Variants in PRKCZ observed in about 807,000 individuals in gnomAD.
PRKCZ encodes the protein protein kinase C zeta type.
Under a neutral mutation model 79.5 loss-of-function variants are expected in PRKCZ, and 33 were observed. The observed-to-expected ratio is 0.41, with a 90% CI of 0.31 to 0.55. The LOEUF (loss-of-function observed/expected upper bound fraction) is 0.55, where lower values mean the gene tolerates loss of function less well. Ranked by LOEUF, PRKCZ falls within the 20% of genes least tolerant of loss-of-function variation. The pLI is 0.19. For synonymous variants in PRKCZ, 342 were observed against 320.9 expected (o/e 1.07, Z -0.70); for missense variants, 578 against 813.5 (o/e 0.71, Z 3.52).
At chr1:2,110,627 G>A (rs1223550666) in intron 4 of PRKCZ, among the ~76,000 whole-genome samples, 1 of 152,106 alleles carries the variant, frequency 6.6e-6, no homozygotes, top group African/African-American at 2.4e-5. Context: ...ACACCCTTGG[G>A]TCACTTGTCC....
At chr1:2,084,785 G>A (rs1373728475) in intron 4 of PRKCZ, among the ~76,000 whole-genome samples, 1 of 152,258 alleles carries the variant, frequency 6.6e-6, no homozygotes, top group Admixed American at 6.5e-5. Context: ...CAGGTGGATC[G>A]CCTGAGCTCA....
chr1:2,061,101 G>A (rs1187378793), intron 4 of PRKCZ, among the ~76,000 whole-genome samples: 2 of 152,232 alleles, frequency 1.3e-5, no homozygotes, highest in African/African-American at 2.4e-5. Context: ...CCCACGGGCC[G>A]TGTTTATTTG....
Position 2,150,812 on chromosome 1 carries a change from G to A in PRKCZ, c.710G>A (p.Gly237Glu). The change falls in exon 9 of 18, where the codon GGG (glycine) becomes GAG (glutamate). Residue 237 changes from glycine (G) to glutamate (E), a missense_variant. Gly to Glu is a moderately conservative substitution (Grantham distance 98). This residue lies in a region of PRKCZ where 91 missense variants were observed against 97.5 expected (regional missense o/e 0.93). Coordinates refer to ENST00000378567, the MANE Select transcript of PRKCZ (RefSeq NM_002744.6). ...DSEDLKPVID[G>E]MDGIKISQGL... is the part of the protein sequence containing the mutation. ...TAGGACCTTAAGCCAGTTATCGATG[G>A]GATGGATGGAATCAAAATCTCTCAG... The A allele has an allele frequency of 1.2e-6, 2 of 1,614,150 alleles. No homozygotes were observed. Among genetic ancestry groups the A allele is most frequent in the Non-Finnish European group, 1.7e-6 (2 of 1,180,014 alleles).
intron 1 of PRKCZ, among the ~76,000 whole-genome samples, chr1:2,054,906 G>C (rs747236629): frequency 4.0e-5 from 6 of 150,188 alleles, no homozygotes; most frequent in Non-Finnish European, 7.4e-5. Context: ...GGTAGGTCGC[G>C]CTTTTTTCTC....
intron 9 of PRKCZ, 132 bp from the exon 10 acceptor site, chr1:2,155,863 T>A: frequency 1.4e-6 from 1 of 735,326 alleles, no homozygotes; most frequent in South Asian, 1.5e-5. Flanking sequence ...TCCTAATGGG[T>A]GTTTTCTTTT....
chr1:2,140,665 A>G (rs2103076896), intron 5 of PRKCZ, among the ~76,000 whole-genome samples: 1 of 151,596 alleles, frequency 6.6e-6, no homozygotes, highest in Non-Finnish European at 1.5e-5. Context: ...TCAAAAAAAA[A>G]GAAAGAAAAT....
At position 2,082,246 on chromosome 1, in the gene PRKCZ, G is replaced by A. The variant is rs1571233268; in HGVS notation, c.334+22655G>A. On this transcript the variant is annotated intron_variant, in intron 4 of 17. Coordinates refer to ENST00000378567, the MANE Select transcript of PRKCZ (RefSeq NM_002744.6). The surrounding 1 kb of genome is among the most constrained non-coding windows in gnomAD (Gnocchi z 4.4). ...CGCCTTTTCCCTGCTCCAGGGCTGT[G>A]TATTTGGCAAGAGGGAGGCTCCGTG... is the stretch of plus-strand genomic sequence containing the variant. The A allele has an allele frequency of 2.5e-6, 1 of 398,600 alleles. No homozygotes were observed. Among genetic ancestry groups the A allele is most frequent in the African/African-American group, 2.1e-5 (1 of 48,274 alleles). 24.7% of individuals were successfully genotyped at this position (398,600 alleles called of 1,614,324 possible).
chr1:2,143,025 C>CTTTTTTT (rs1171233546), intron 5 of PRKCZ: 4 of 123,258 alleles, frequency 3.2e-5, no homozygotes, highest in African/African-American at 9.3e-5. Flanking sequence ...ATTTCCTCTT[C>CTTTTTTT]TTTTTTTTTT....
intron 4 of PRKCZ, among the ~76,000 whole-genome samples, chr1:2,092,070 G>GAT (rs1665612796): frequency 6.6e-6 from 1 of 152,144 alleles, no homozygotes; most frequent in Non-Finnish European, 1.5e-5. Context: ...CCACCTGTGC[G>GAT]GCCGCAGAGT....
chr1:2,118,782 T>C (rs116286116), intron 4 of PRKCZ, among the ~76,000 whole-genome samples: 1,663 of 144,712 alleles, frequency 0.011, 40 homozygotes, highest in African/African-American at 0.037. Context: ...GGAAGGGGAC[T>C]TAGTGTTTAT....
intron 5 of PRKCZ, among the ~76,000 whole-genome samples, chr1:2,136,939 G>A (rs2103042672): frequency 6.6e-6 from 1 of 152,324 alleles, no homozygotes; most frequent in African/African-American, 2.4e-5. Flanking sequence ...CCAATGGGAT[G>A]CATGTACATG....
intron 4 of PRKCZ, among the ~76,000 whole-genome samples, chr1:2,078,816 T>G (rs932206880): frequency 3.9e-5 from 6 of 152,008 alleles, no homozygotes; most frequent in Non-Finnish European, 7.4e-5. Context: ...CCCGTTCTTG[T>G]CTTTCGATCT....
chr1:2,101,734 ATACTTAGCAGG>A (rs968157180), intron 4 of PRKCZ, among the ~76,000 whole-genome samples: 8 of 152,116 alleles, frequency 5.3e-5, no homozygotes, highest in African/African-American at 1.9e-4. Flanking sequence ...ACCGCATCTG[ATACTTAGCAGG>A]TACTTAGCAG....
intron 4 of PRKCZ, among the ~76,000 whole-genome samples, chr1:2,090,087 T>C (rs542462264): frequency 6.6e-6 from 1 of 152,122 alleles, no homozygotes; most frequent in Non-Finnish European, 1.5e-5. Context: ...CCCTCTGTTA[T>C]GAGAACAGCA....
intron 4 of PRKCZ, among the ~76,000 whole-genome samples, chr1:2,101,960 G>A (rs1037860129): frequency 4.6e-5 from 7 of 152,186 alleles, no homozygotes; most frequent in Admixed American, 3.9e-4. Flanking sequence ...GACAAGTCAG[G>A]AATGTCACAG....
chr1:2,184,124 G>C (rs906831270), intron 16 of PRKCZ: 1 of 154,058 alleles, frequency 6.5e-6, no homozygotes, highest in Non-Finnish European at 1.4e-5. Context: ...GTCGATGCCT[G>C]GATAGGCAGA....
chr1:2,135,384 C>T (rs767470449), intron 5 of PRKCZ, 37 bp downstream of exon 5: 1 of 1,530,458 alleles, frequency 6.5e-7, no homozygotes. Context: ...CTCAAGGGGC[C>T]TTTTGTTACT....
intron 4 of PRKCZ, among the ~76,000 whole-genome samples, chr1:2,117,478 T>C (rs1483724806): frequency 5.3e-5 from 8 of 152,098 alleles, no homozygotes; most frequent in Admixed American, 2.6e-4. Flanking sequence ...CTCCGGAACC[T>C]CTCTGTGCGC....
At chr1:2,146,567 G>A (rs1268790012) in intron 7 of PRKCZ, among the ~76,000 whole-genome samples, 1 of 152,196 alleles carries the variant, frequency 6.6e-6, no homozygotes, top group East Asian at 1.9e-4. Flanking sequence ...GTGAGGTTTT[G>A]TTTGTTGTGG....
Sources: gnomAD v4.1 joint callset for allele counts (sites outside exome capture counted in the v4.1 genomes callset) on GRCh38, gnomAD v4.1.1 for gene constraint, gnomAD v4.1.1 regional missense constraint, Gnocchi (gnomAD v3.1) non-coding constraint, MANE v1.5 for transcripts, NCBI Gene and HGNC (gene_info 2026-07-23, HGNC 2026-07-21) for gene names.